Variants in PCDHA4 observed in about 807,000 individuals in gnomAD.
The protein encoded by PCDHA4 is protocadherin alpha 4, also known as protocadherin alpha-4.
PCDHA4 carries 49 observed loss-of-function variants against 61.4 expected under a neutral mutation model. The observed-to-expected ratio is 0.80, with a 90% CI of 0.63 to 1.01. The LOEUF is 1.01. Among genes scored for constraint, PCDHA4 ranks in the 50% least tolerant of loss-of-function variants. The pLI is 0.00. For missense variants in PCDHA4, 1,254 were observed against 1,235.8 expected (o/e 1.01, Z -0.22); for synonymous variants, 590 against 550.3 (o/e 1.07, Z -1.01).
chr5:140,876,536 TG>T (rs781943442), intron 1 of PCDHA4: 1 of 1,614,238 alleles, frequency 6.2e-7, no homozygotes, highest in South Asian at 1.1e-5. Flanking sequence ...GTTACTTCAC[TG>T]TCGCTCCCTG....
intron 1 of PCDHA4, chr5:140,927,529 C>A: frequency 6.2e-7 from 1 of 1,614,098 alleles, no homozygotes; most frequent in South Asian, 1.1e-5. Flanking sequence ...GCTACCTGCC[C>A]GCTCAGGAGA....
At chr5:140,842,230 G>A in intron 1 of PCDHA4, 1 of 1,612,910 alleles carries the variant, frequency 6.2e-7, no homozygotes, top group Non-Finnish European at 8.5e-7. Context: ...GAGAAATAGT[G>A]ATTCGGGGTA....
chr5:140,854,990 G>A (rs2043295354), intron 1 of PCDHA4, among the ~76,000 whole-genome samples: 1 of 149,498 alleles, frequency 6.7e-6, no homozygotes, highest in African/African-American at 2.5e-5. Context: ...GATTCTTTTT[G>A]CCCGTGTAAG....
chr5:140,950,605 A>T (rs1199751655), intron 1 of PCDHA4, among the ~76,000 whole-genome samples: 1 of 151,926 alleles, frequency 6.6e-6, no homozygotes, highest in Non-Finnish European at 1.5e-5. Flanking sequence ...TTTGACTATG[A>T]TGTGCTTATT....
rs114421153 is a variant in PCDHA4, at chr5:140,919,495, A to T, written c.2386-59454A>T. ...TATTTGGATTTATGTTTGTTATTTT[A>T]CTCCTTTTTCTATATGTTTTAATTC... On this transcript the variant is annotated intron_variant, in intron 1 of 3. Coordinates refer to ENST00000530339, the MANE Select transcript of PCDHA4 (RefSeq NM_018907.4). 4.5e-3 allele frequency among the ~76,000 whole-genome samples: 671 copies of T among 150,296 alleles called. 3 individuals are homozygous for T. Among genetic ancestry groups the T allele is most frequent in the African/African-American group, 0.016 (651 of 40,928 alleles).
chr5:140,999,797 T>C (rs2097876830), intron 3 of PCDHA4, among the ~76,000 whole-genome samples: 1 of 152,202 alleles, frequency 6.6e-6, no homozygotes, highest in African/African-American at 2.4e-5. Context: ...CAGAGTTATT[T>C]TGGGCACAAA....
At chr5:140,830,027 C>T (rs2150179874) in intron 1 of PCDHA4, 11 of 1,613,766 alleles carry the variant, frequency 6.8e-6, no homozygotes, top group Non-Finnish European at 8.5e-6. Context: ...TCCGCGCCAC[C>T]GGCTGCTGGT....
intron 1 of PCDHA4, chr5:140,829,130 G>A (rs2150162751): frequency 2.5e-6 from 4 of 1,612,556 alleles, no homozygotes; most frequent in Non-Finnish European, 3.4e-6. Flanking sequence ...AAATGATAAC[G>A]TCCCTGAGAT....
chr5:140,877,406 A>G (rs1554169685), intron 1 of PCDHA4: 2 of 1,613,868 alleles, frequency 1.2e-6, no homozygotes, highest in East Asian at 2.2e-5. Flanking sequence ...GCTCCGCGCC[A>G]CCGCCTGCTG....
chr5:140,992,857 CTCT>C (rs2097531206), intron 3 of PCDHA4, among the ~76,000 whole-genome samples: 2 of 152,148 alleles, frequency 1.3e-5, no homozygotes, highest in Non-Finnish European at 2.9e-5. Context: ...ACCAGTTTCA[CTCT>C]AGCTCCCTCC....
intron 1 of PCDHA4, among the ~76,000 whole-genome samples, chr5:140,818,178 C>A (rs1766296902): frequency 6.6e-6 from 1 of 152,140 alleles, no homozygotes; most frequent in African/African-American, 2.4e-5. Flanking sequence ...CTCTTATATT[C>A]TTCTGTGACT....
chr5:140,876,878 C>T (rs1305242755), intron 1 of PCDHA4: 1 of 1,614,118 alleles, frequency 6.2e-7, no homozygotes, highest in Admixed American at 1.7e-5. Context: ...GAGAACAACC[C>T]GCCGGGCTGC....
At chr5:140,921,868 T>C (rs1037750056) in intron 1 of PCDHA4, among the ~76,000 whole-genome samples, 1 of 152,016 alleles carries the variant, frequency 6.6e-6, no homozygotes, top group Non-Finnish European at 1.5e-5. Context: ...ATATATACAG[T>C]ATATATATAA....
At chr5:140,843,985 C>T (rs1171962814) in intron 1 of PCDHA4, among the ~76,000 whole-genome samples, 4 of 149,436 alleles carry the variant, frequency 2.7e-5, no homozygotes, top group Non-Finnish European at 6.0e-5. Context: ...TGCCTTACAG[C>T]CGTCTTCTCT....
rs782354826 is a variant in PCDHA4, at chr5:140,856,955, G to A, written c.2385+47383G>A. 3 of 1,593,892 alleles carry A rather than the reference G, an allele frequency of 1.9e-6. No individual in the cohort carries two copies. The Admixed American group carries it at 5.1e-5, about 27-fold the overall frequency. On this transcript the variant is annotated intron_variant, in intron 1 of 3. Coordinates refer to ENST00000530339, the MANE Select transcript of PCDHA4 (RefSeq NM_018907.4). Reference sequence around the variant, plus strand: ...AAACGAAAGGACGGGAGAAATAAAAGTAAATGATGCTATTGACTTTGAGGA... The same window carrying A: ...AAACGAAAGGACGGGAGAAATAAAAATAAATGATGCTATTGACTTTGAGGA...
chr5:140,848,619 G>C lies in PCDHA4; in HGVS notation c.2385+39047G>C, dbSNP rs2150415128. The C allele has an allele frequency of 3.5e-5, 55 of 1,593,396 alleles. 5 individuals are homozygous for C. Among genetic ancestry groups the C allele is most frequent in the Admixed American group, 1.5e-4 (9 of 59,226 alleles). ...CTCCGTCCCGGAGGAAGCCGAACACGGCACCTTCGTGGGCCGCATCGCGCA... is the reference window on the plus strand; with the variant it reads ...CTCCGTCCCGGAGGAAGCCGAACACCGCACCTTCGTGGGCCGCATCGCGCA... On this transcript the variant is annotated intron_variant, in intron 1 of 3. Coordinates refer to ENST00000530339, the MANE Select transcript of PCDHA4 (RefSeq NM_018907.4).
At chr5:140,900,954 A>T (rs942765998) in intron 1 of PCDHA4, among the ~76,000 whole-genome samples, 3 of 152,204 alleles carry the variant, frequency 2.0e-5, no homozygotes, top group Non-Finnish European at 2.9e-5. Context: ...TTCTCTGATT[A>T]TCAGTGATGT....
chr5:140,855,992 T>C (rs2043714140), intron 1 of PCDHA4: 2 of 1,492,956 alleles, frequency 1.3e-6, no homozygotes, highest in Admixed American at 4.4e-5. Context: ...AAATGTCAGA[T>C]CGTATGTGCG....
chr5:140,987,165 G>A lies in PCDHA4; in HGVS notation c.2533+4602G>A, dbSNP rs191129148. Among the ~76,000 whole-genome samples, 1,195 of 151,202 alleles carry A rather than the reference G, an allele frequency of 7.9e-3. 19 individuals are homozygous for A. The highest frequency in any genetic ancestry group is 0.027 in the African/African-American group (1,126 of 41,156). On this transcript the variant is annotated intron_variant, in intron 3 of 3. Transcript: ENST00000530339. ...GGAGGTGGAGGTTGCAGTGAGCTGA[G>A]ATTGCACCACTGCACTCCAGCCTGG...
Sources: allele counts gnomAD v4.1 joint callset (sites outside exome capture counted in the v4.1 genomes callset), GRCh38; gene constraint gnomAD v4.1.1; transcripts MANE v1.5; gene names NCBI Gene and HGNC (gene_info 2026-07-23, HGNC 2026-07-21).